The following TAS1R2 variants were observed in gnomAD, a reference collection of about 807,000 sequenced individuals.
The protein encoded by TAS1R2 is taste 1 receptor member 2.
Under a neutral mutation model 49.3 loss-of-function variants are expected in TAS1R2, and 47 were observed. The ratio of observed to expected loss-of-function variants is 0.95; its 90% CI spans 0.75 to 1.22. The LOEUF (loss-of-function observed/expected upper bound fraction) is 1.22, where lower values mean the gene tolerates loss of function less well. Among genes scored for constraint, TAS1R2 ranks in the 50% most tolerant of loss-of-function variants. The pLI is 0.00. For synonymous variants in TAS1R2, 479 were observed against 467.9 expected, an observed-to-expected ratio of 1.02 and a Z score of -0.31; for missense variants, 1,155 against 1,122.1, an observed-to-expected ratio of 1.03 and a Z score of -0.42.
chr1:18,847,164 T>C (rs1295676377), intron 4 of TAS1R2, among the ~76,000 whole-genome samples: 2 of 152,174 alleles, frequency 1.3e-5, no homozygotes, highest in East Asian at 3.8e-4. Context: ...GGCATTTCTT[T>C]GTAACAATTC....
In TAS1R2 at chr1:18,854,675, C is replaced by T. The variant is rs1934101643; in HGVS notation, c.795G>A (p.Gln265=). 5 of 1,613,950 alleles carry T rather than the reference C, an allele frequency of 3.1e-6. No individual in the cohort carries two copies. Among genetic ancestry groups the T allele is most frequent in the Non-Finnish European group, 4.2e-6 (5 of 1,179,966 alleles). Residue 265 remains glutamine (Q), a synonymous_variant, in exon 3 of 6, where the codon CAG becomes CAA. Transcript: ENST00000375371. This position sits in a 1 kb window ranked among gnomAD's most constrained non-coding sequence, Gnocchi z 4.9. ...CGACCACGACGCGCGCTGTGCTCTG[C>T]TGCAGCTTGTCCACAATGGTCACCA... is the stretch of plus-strand genomic sequence containing the variant.
intron 4 of TAS1R2, among the ~76,000 whole-genome samples, chr1:18,848,264 T>TA (rs2100513674): frequency 6.6e-6 from 1 of 152,278 alleles, no homozygotes; most frequent in African/African-American, 2.4e-5. Flanking sequence ...TTCAGTTTCC[T>TA]AACCTATAAA....
intron 2 of TAS1R2, among the ~76,000 whole-genome samples, chr1:18,855,752 G>T (rs34462826): frequency 6.6e-6 from 1 of 152,092 alleles, no homozygotes; most frequent in Non-Finnish European, 1.5e-5. Context: ...CTCTGAGCCT[G>T]CTCCATCCAC....
At chr1:18,849,387 T>C (rs1163871110) in exon 4 of TAS1R2, 2 of 1,614,188 alleles carry the variant, frequency 1.2e-6, no homozygotes, top group East Asian at 4.5e-5. Flanking sequence ...GTTCTTCAGC[T>C]GTCGCTGCAG....
exon 6 of TAS1R2, chr1:18,839,937 G>A: frequency 6.2e-7 from 1 of 1,614,236 alleles, no homozygotes; most frequent in Non-Finnish European, 8.5e-7. Flanking sequence ...TTGAACAGCA[G>A]GCTGTTGCGG....
chr1:18,849,172 C>T, intron 4 of TAS1R2, 169 bp downstream of exon 4: 2 of 730,274 alleles, frequency 2.7e-6, no homozygotes, highest in Non-Finnish European at 4.4e-6. Context: ...AGTTCCCAAT[C>T]AATGGGGGAA....
chr1:18,845,054 T>C (rs924149332), intron 4 of TAS1R2, among the ~76,000 whole-genome samples: 1 of 152,200 alleles, frequency 6.6e-6, no homozygotes, highest in African/African-American at 2.4e-5. Context: ...GATCTTTTCC[T>C]CTCTGGGAAA....
Position 18,854,501 on chromosome 1 carries a change from C to G in TAS1R2, c.969G>C (p.Leu323=), listed in dbSNP as rs543049285. The G allele has an allele frequency of 3.1e-6, 5 of 1,614,018 alleles. No individual in the cohort carries two copies. The East Asian group carries it at 8.9e-5, about 29-fold the overall frequency. Reference sequence around the variant, plus strand: ...TGGGCACGCTCTGGATGGTGATGCCCAGGAAGGTGCCCAAGTGGCGCAGCT... The same window carrying G: ...TGGGCACGCTCTGGATGGTGATGCCGAGGAAGGTGCCCAAGTGGCGCAGCT... Residue 323 remains leucine, a synonymous_variant, in exon 3 of 6, where the codon CTG becomes CTC. Coordinates refer to ENST00000375371, the Ensembl canonical transcript of TAS1R2. This position sits in a 1 kb window ranked among gnomAD's most constrained non-coding sequence, Gnocchi z 4.9.
At position 18,849,333 on chromosome 1, in the gene TAS1R2, TGGCTGACC is replaced by T; in HGVS notation, c.1467_1467+7del. 6.2e-6 allele frequency: 10 copies of T among 1,612,198 alleles called. No homozygotes were observed. The highest frequency in any genetic ancestry group is 8.5e-6 in the Non-Finnish European group (10 of 1,178,970). ...AGGCCTGCCCACCCACCAGGCCCCC[TGGCTGACC>T]GTGTTGTTGATGGTGTGCCAGGAGA... On this transcript the variant is annotated splice_donor_variant and splice_donor_5th_base_variant and coding_sequence_variant and intron_variant, in exon 4 of 6. Transcript: ENST00000375371. LOFTEE classifies it high-confidence loss of function.
Position 18,854,795 on chromosome 1 carries a change from C to G in TAS1R2, c.675G>C (p.Glu225Asp). The G allele has an allele frequency of 6.2e-7, 1 of 1,605,686 alleles. No individual in the cohort carries two copies. Among genetic ancestry groups the G allele is most frequent in the Non-Finnish European group, 8.5e-7 (1 of 1,178,718 alleles). ...TGCAGATGTCGCGCCGGGCCACGCG[C>G]TCGCCAAGCAGCTGGCCATTGTCGC... Residue 225 changes from glutamate (E) to aspartate (D), a missense_variant, in exon 3 of 6, where the codon GAG (glutamate) becomes GAC (aspartate). Glu to Asp is a conservative substitution (Grantham distance 45). Coordinates refer to ENST00000375371, the Ensembl canonical transcript of TAS1R2. This position sits in a 1 kb window ranked among gnomAD's most constrained non-coding sequence, Gnocchi z 4.9.
chr1:18,858,179 C>T (rs974932767), intron 1 of TAS1R2: 4 of 157,190 alleles, frequency 2.5e-5, no homozygotes, highest in Admixed American at 1.2e-4. Context: ...TCAGTAACAC[C>T]CTCACCACCA....
In TAS1R2 at chr1:18,854,143, C is replaced by T; in HGVS notation, c.1257+70G>A. ...ATGGGATACTCATGCCCTTTCACAC[C>T]CATTTGCCCAGAACCCCAGGGGAGG... On this transcript the variant is annotated intron_variant, in intron 3 of 5. Coordinates refer to ENST00000375371, the Ensembl canonical transcript of TAS1R2. The surrounding 1 kb of genome is among the most constrained non-coding windows in gnomAD (Gnocchi z 4.9). 4 of 1,461,538 alleles carry T rather than the reference C, an allele frequency of 2.7e-6. No homozygotes were observed. In the Middle Eastern group the frequency reaches 5.5e-4, roughly 201 times the overall value. The allele number at this position is 1,461,538 out of a possible 1,614,324, so 90.5% of individuals were successfully genotyped here.
chr1:18,841,648 G>A, intron 5 of TAS1R2, 81 bp downstream of exon 5: 2 of 1,521,562 alleles, frequency 1.3e-6, no homozygotes, highest in East Asian at 4.6e-5. Flanking sequence ...CCCTGCCAAG[G>A]AGGACAAGCC....
At chr1:18,850,789 C>A (rs142056202) in intron 3 of TAS1R2, among the ~76,000 whole-genome samples, 11 of 152,208 alleles carry the variant, frequency 7.2e-5, no homozygotes, top group African/African-American at 2.7e-4. Flanking sequence ...GGTTGAACCC[C>A]GTTTCCCCTT....
At chr1:18,849,543 T>A in exon 4 of TAS1R2, 1 of 1,614,150 alleles carries the variant, frequency 6.2e-7, no homozygotes, top group South Asian at 1.1e-5. Flanking sequence ...CCAGATCTCC[T>A]CAAGCAGCTG....
chr1:18,854,930 CAA>C lies in TAS1R2; in HGVS notation c.538_539del (p.Leu180AlafsTer107). 11 of 1,610,602 alleles carry C rather than the reference CAA, an allele frequency of 6.8e-6. No homozygotes were observed. Among genetic ancestry groups the C allele is most frequent in the Non-Finnish European group, 9.3e-6 (11 of 1,177,170 alleles). ...GGTCGGCGCTGGGTGTGGTACGCAG[CAA>C]AGCCGGGAAGCGCACCTTGTCTCGC... On this transcript the variant is annotated frameshift_variant, in exon 3 of 6. Transcript: ENST00000375371. LOFTEE classifies it high-confidence loss of function. This position sits in a 1 kb window ranked among gnomAD's most constrained non-coding sequence, Gnocchi z 4.9.
At chr1:18,858,341 C>A (rs545446603) in intron 1 of TAS1R2, 1 of 152,746 alleles carries the variant, frequency 6.5e-6, no homozygotes, top group Admixed American at 6.5e-5. Flanking sequence ...TCACTAACAC[C>A]ATCACCAGCA....
chr1:18,852,662 C>T (rs1039211165), intron 3 of TAS1R2, among the ~76,000 whole-genome samples: 1 of 152,236 alleles, frequency 6.6e-6, no homozygotes, highest in African/African-American at 2.4e-5. Flanking sequence ...AGATGCCCTC[C>T]AGTAACACCT....
Position 18,857,240 on chromosome 1 carries a change from T to C in TAS1R2, c.483+91A>G, listed in dbSNP as rs1404889801. The stretch of plus-strand genomic sequence containing the variant: ...CTTCTGGTCCTATCATCACCTCCCA[T>C]GATTGATGGAGGAAGTGGCTTCTGA... On this transcript the variant is annotated intron_variant, in intron 2 of 5. Transcript: ENST00000375371. 2.9e-6 allele frequency: 4 copies of C among 1,378,044 alleles called. No homozygotes were observed. The African/African-American group carries it at 4.3e-5, about 15-fold the overall frequency. The allele number at this position is 1,378,044 out of a possible 1,614,324, so 85.4% of individuals were successfully genotyped here.
Sources: gnomAD v4.1 joint callset for allele counts (sites outside exome capture counted in the v4.1 genomes callset) on GRCh38, gnomAD v4.1.1 for gene constraint, Gnocchi (gnomAD v3.1) non-coding constraint, MANE v1.5 for transcripts, NCBI Gene and HGNC (gene_info 2026-07-23, HGNC 2026-07-21) for gene names.